The following UGT2B4 variants were observed in gnomAD, a reference collection of about 807,000 sequenced individuals.
UGT2B4 encodes UDP glucuronosyltransferase family 2 member B4, also known as UDP-glucuronosyltransferase 2B4.
Under a neutral mutation model 49.8 loss-of-function variants are expected in UGT2B4, and 49 were observed. The observed-to-expected ratio is 0.98, with a 90% CI of 0.78 to 1.25. UGT2B4 has a LOEUF of 1.25. Ranked by LOEUF, UGT2B4 falls within the 50% of genes most tolerant of loss-of-function variation. The probability of loss-of-function intolerance (pLI) is 0.00; values close to 1 mark genes in which losing one functional copy is unlikely to be tolerated. For synonymous variants in UGT2B4, 246 were observed against 217.7 expected, an observed-to-expected ratio of 1.13 and a Z score of -1.14; for missense variants, 729 against 627.7, an observed-to-expected ratio of 1.16 and a Z score of -1.73.
In UGT2B4 at chr4:69,495,302, A is replaced by G; in HGVS notation, c.560T>C (p.Leu187Pro). 1 of 1,613,308 alleles carries G rather than the reference A, an allele frequency of 6.2e-7. No homozygotes were observed. The change falls in exon 1 of 6, where the codon CTT becomes CCT. Residue 187 changes from leucine (L) to proline (P), a missense_variant. Coordinates refer to ENST00000305107, the MANE Select transcript of UGT2B4 (RefSeq NM_021139.3). The part of the protein sequence containing the change: ...GYAIEKHSGG[L>P]LFPPSYVPVV... The stretch of plus-strand genomic sequence containing the variant: ...AGGCACATAGGAAGGAGGGAACAGA[A>G]GTCCTCCACTATGCTTTTCAATTGC...
chr4:69,500,848 G>A (rs1335784784), upstream of UGT2B4, among the ~76,000 whole-genome samples: 1 of 152,040 alleles, frequency 6.6e-6, no homozygotes, highest in Non-Finnish European at 1.5e-5. Context: ...ACTCCACCAG[G>A]GCCTTAATTG....
At chr4:69,510,973 C>T (rs7692354) in intron 1 of UGT2B4, among the ~76,000 whole-genome samples, 1 of 135,910 alleles carries the variant, frequency 7.4e-6, no homozygotes, top group Admixed American at 7.9e-5. Context: ...CATAAATACT[C>T]TTTCTTTTCT....
chr4:69,492,389 T>A (rs1029084112), intron 2 of UGT2B4, among the ~76,000 whole-genome samples: 1 of 152,066 alleles, frequency 6.6e-6, no homozygotes, highest in Admixed American at 6.6e-5. Flanking sequence ...AATCACACAT[T>A]TATATCGGTA....
At chr4:69,503,446 G>A (rs534246831) in intron 1 of UGT2B4, among the ~76,000 whole-genome samples, 1 of 152,246 alleles carries the variant, frequency 6.6e-6, no homozygotes, top group Non-Finnish European at 1.5e-5. Flanking sequence ...AAATCTGCAT[G>A]AGTGAGTTTA....
intron 1 of UGT2B4, among the ~76,000 whole-genome samples, chr4:69,502,839 G>A (rs757619909): frequency 4.6e-5 from 7 of 152,244 alleles, no homozygotes; most frequent in Admixed American, 1.3e-4. Flanking sequence ...GTTGGTTCAG[G>A]AAGAGGAGGC....
chr4:69,525,748 C>A (rs1387873932), exon 1 of UGT2B4: 3 of 1,256,954 alleles, frequency 2.4e-6, no homozygotes, highest in Non-Finnish European at 2.1e-6. Flanking sequence ...AGTCCCTGTG[C>A]TCAAGCAGCT....
At position 69,495,237 on chromosome 4, in the gene UGT2B4, CTATGAA is replaced by C. The variant is rs1432838607; in HGVS notation, c.619_624del (p.Phe207_Ile208del). The C allele has an allele frequency of 6.2e-7, 1 of 1,611,366 alleles. No homozygotes were observed. Among genetic ancestry groups the C allele is most frequent in the African/African-American group, 1.3e-5 (1 of 74,858 alleles). On this transcript the variant is annotated inframe_deletion, in exon 1 of 6. Coordinates refer to ENST00000305107, the MANE Select transcript of UGT2B4 (RefSeq NM_021139.3). Reference sequence around the variant, plus strand: ...ACATAGATCATATTTTTTACCCTCTCTATGAAAGTCATTTGGTCACTTAGTTCTGAC... The same window carrying C: ...ACATAGATCATATTTTTTACCCTCTCAGTCATTTGGTCACTTAGTTCTGAC...
intron 1 of UGT2B4, among the ~76,000 whole-genome samples, chr4:69,507,336 G>A (rs899575602): frequency 6.6e-6 from 1 of 152,022 alleles, no homozygotes; most frequent in South Asian, 2.1e-4. Context: ...ATCGTCTCGG[G>A]CCAAAAGCTT....
intron 1 of UGT2B4, among the ~76,000 whole-genome samples, chr4:69,501,284 T>C (rs1348260244): frequency 6.6e-6 from 1 of 152,064 alleles, no homozygotes; most frequent in Non-Finnish European, 1.5e-5. Flanking sequence ...CTGTTGCAAA[T>C]CTACTCTACC....
Position 69,495,566 on chromosome 4 carries a change from T to G in UGT2B4, c.296A>C (p.Glu99Ala). Residue 99 changes from glutamate (E) to alanine (A), a missense_variant, in exon 1 of 6, where the codon GAA (glutamate) becomes GCA (alanine). By Grantham distance (107) the Glu-to-Ala change is moderately radical (BLOSUM62 -1). Transcript: ENST00000305107. ...IIKQLVKRWA[E>A]LPKDTFWSYF... Reference sequence around the variant, plus strand: ...TGACCAAAATGTGTCTTTTGGAAGTTCTGCCCATCTCTTAACCAGCTGCTT... The same window carrying G: ...TGACCAAAATGTGTCTTTTGGAAGTGCTGCCCATCTCTTAACCAGCTGCTT... The G allele has an allele frequency of 1.9e-6, 3 of 1,613,914 alleles. No individual in the cohort carries two copies. Among genetic ancestry groups the G allele is most frequent in the Non-Finnish European group, 2.5e-6 (3 of 1,179,938 alleles).
chr4:69,523,070 C>G (rs1728882782), intron 1 of UGT2B4, among the ~76,000 whole-genome samples: 1 of 152,138 alleles, frequency 6.6e-6, no homozygotes, highest in South Asian at 2.1e-4. Flanking sequence ...CTATTTTCAC[C>G]ACACCTGCAG....
At chr4:69,524,384 T>TAC (rs145607456) in intron 1 of UGT2B4, among the ~76,000 whole-genome samples, 53,295 of 151,736 alleles carry the variant, frequency 0.35, 9,451 homozygotes, top group Non-Finnish European at 0.37. Context: ...CGTTGTCGTT[T>TAC]CTCAGGAATA....
intron 1 of UGT2B4, among the ~76,000 whole-genome samples, chr4:69,506,973 C>T (rs997068360): frequency 6.6e-6 from 1 of 152,092 alleles, no homozygotes; most frequent in Non-Finnish European, 1.5e-5. Context: ...AATACAAAAA[C>T]TACATGATTA....
chr4:69,498,962 C>A (rs1728233635), upstream of UGT2B4, among the ~76,000 whole-genome samples: 1 of 151,968 alleles, frequency 6.6e-6, no homozygotes, highest in African/African-American at 2.4e-5. Context: ...ATATATGTGT[C>A]AATTTGAGGA....
At position 69,495,211 on chromosome 4, in the gene UGT2B4, C is replaced by T. The variant is rs1270754523; in HGVS notation, c.651G>A (p.Val217=). 2 of 1,604,614 alleles carry T rather than the reference C, an allele frequency of 1.2e-6. No homozygotes were observed. Among genetic ancestry groups the T allele is most frequent in the East Asian group, 4.5e-5 (2 of 44,734 alleles). Residue 217 remains valine, a synonymous_variant, in exon 1 of 6, where the codon GTG becomes GTA. Coordinates refer to ENST00000305107, the MANE Select transcript of UGT2B4 (RefSeq NM_021139.3). ...TTTGGAACCAAAATTCAAAATAAAGCACATAGATCATATTTTTTACCCTCT... is the reference window on the plus strand; with the variant it reads ...TTTGGAACCAAAATTCAAAATAAAGTACATAGATCATATTTTTTACCCTCT... ...FIERVKNMIY[V]LYFEFWFQIF...
chr4:69,504,459 A>C (rs1728421310), intron 1 of UGT2B4, among the ~76,000 whole-genome samples: 1 of 152,236 alleles, frequency 6.6e-6, no homozygotes, highest in South Asian at 2.1e-4. Flanking sequence ...TGAAATCACA[A>C]GTATTAACAG....
intron 1 of UGT2B4, among the ~76,000 whole-genome samples, chr4:69,514,612 T>C (rs1054942114): frequency 6.6e-6 from 1 of 152,216 alleles, no homozygotes; most frequent in Non-Finnish European, 1.5e-5. Flanking sequence ...TATATGTCTC[T>C]TGTTATTTTG....
At chr4:69,480,993 G>C (rs4415025) in intron 5 of UGT2B4, 83 bp from the exon 6 acceptor site, 1,419,325 of 1,521,628 alleles carry the variant, frequency 0.93, 662,275 homozygotes, top group South Asian at 0.96. Flanking sequence ...AATCCCAGCA[G>C]TTTCCGAGGT....
intron 1 of UGT2B4, among the ~76,000 whole-genome samples, chr4:69,520,628 G>A (rs572146281): frequency 6.6e-6 from 1 of 152,332 alleles, no homozygotes; most frequent in South Asian, 2.1e-4. Context: ...CTATTGTGAT[G>A]TGGCTGGACA....
Sources: allele counts gnomAD v4.1 joint callset (sites outside exome capture counted in the v4.1 genomes callset), GRCh38; gene constraint gnomAD v4.1.1; transcripts MANE v1.5; gene names NCBI Gene and HGNC (gene_info 2026-07-23, HGNC 2026-07-21).